Variants in STIM1 observed in about 807,000 individuals in gnomAD.
The protein encoded by STIM1 is stromal interaction molecule 1.
In STIM1, 25 loss-of-function variants were observed where a neutral mutation model predicts 74.7. The ratio of observed to expected loss-of-function variants is 0.33; its 90% CI spans 0.24 to 0.47. The LOEUF is 0.47. STIM1 is among the 20% of genes least tolerant of loss of function. The probability of loss-of-function intolerance (pLI) is 1.00; values close to 1 mark genes in which losing one functional copy is unlikely to be tolerated. For synonymous variants in STIM1, 328 were observed against 348.8 expected, an observed-to-expected ratio of 0.94 and a Z score of 0.66; for missense variants, 728 against 920.8, an observed-to-expected ratio of 0.79 and a Z score of 2.71.
chr11:4,057,338 G>A (rs897701987), intron 4 of STIM1, among the ~76,000 whole-genome samples: 1 of 152,170 alleles, frequency 6.6e-6, no homozygotes, highest in Non-Finnish European at 1.5e-5. Flanking sequence ...GCCAAGACCA[G>A]GTCCAGCCAG....
intron 2 of STIM1, among the ~76,000 whole-genome samples, chr11:3,983,524 C>T (rs977658193): frequency 6.6e-6 from 1 of 152,128 alleles, no homozygotes; most frequent in East Asian, 1.9e-4. Flanking sequence ...GTGGGACAAC[C>T]CTGGTGGCAA....
At chr11:3,940,769 T>C (rs2092995363) in intron 1 of STIM1, among the ~76,000 whole-genome samples, 1 of 152,084 alleles carries the variant, frequency 6.6e-6, no homozygotes, top group African/African-American at 2.4e-5. Flanking sequence ...AGAATGTCAA[T>C]CTAGGGGGAG....
chr11:3,949,939 C>T (rs978176538), intron 1 of STIM1, among the ~76,000 whole-genome samples: 5 of 152,152 alleles, frequency 3.3e-5, no homozygotes, highest in Non-Finnish European at 7.3e-5. Context: ...TAACCACTCC[C>T]GTCTCCTTTC....
intron 1 of STIM1, among the ~76,000 whole-genome samples, chr11:3,886,432 T>A (rs1426808111): frequency 5.3e-5 from 8 of 152,202 alleles, no homozygotes; most frequent in Admixed American, 5.2e-4. Context: ...CTCACGCCTG[T>A]CATCCCAGCA....
chr11:4,080,900 T>C (rs565993474), intron 7 of STIM1, among the ~76,000 whole-genome samples: 59 of 152,350 alleles, frequency 3.9e-4, no homozygotes, highest in African/African-American at 1.3e-3. Flanking sequence ...AAACTGCTTT[T>C]AATATAGAAC....
At chr11:3,934,747 G>A (rs563962245) in intron 1 of STIM1, among the ~76,000 whole-genome samples, 1 of 152,202 alleles carries the variant, frequency 6.6e-6, no homozygotes, top group Non-Finnish European at 1.5e-5. Context: ...ACTGTTTTGT[G>A]TATCTCCCAG....
intron 1 of STIM1, among the ~76,000 whole-genome samples, chr11:3,869,300 G>T (rs1244563253): frequency 1.3e-5 from 2 of 152,152 alleles, no homozygotes; most frequent in Non-Finnish European, 2.9e-5. Context: ...ACTGGGCTAG[G>T]TACTTTCACA....
chr11:3,943,907 A>G (rs1033335878), intron 1 of STIM1, among the ~76,000 whole-genome samples: 3 of 152,268 alleles, frequency 2.0e-5, no homozygotes, highest in Admixed American at 2.0e-4. Context: ...CACATAAGTG[A>G]CAGAAGCAAA....
intron 1 of STIM1, among the ~76,000 whole-genome samples, chr11:3,899,063 G>C (rs937161380): frequency 6.6e-6 from 1 of 152,166 alleles, no homozygotes; most frequent in Non-Finnish European, 1.5e-5. Context: ...AAAGTCATTG[G>C]TAGTTTGATG....
At chr11:3,938,032 C>G (rs1262319768) in intron 1 of STIM1, among the ~76,000 whole-genome samples, 2 of 151,516 alleles carry the variant, frequency 1.3e-5, no homozygotes, top group African/African-American at 4.9e-5. Context: ...CTCCTGGGTT[C>G]AAGCGATTCT....
At chr11:3,973,928 C>A (rs2093420648) in intron 2 of STIM1, 3 of 505,728 alleles carry the variant, frequency 5.9e-6, no homozygotes, top group East Asian at 6.5e-5. Flanking sequence ...TTTAAAGCCC[C>A]CAACAAATAT....
chr11:4,091,890 G>C lies in STIM1; in HGVS notation c.*92G>C, dbSNP rs1443342663. On this transcript the variant is annotated 3_prime_UTR_variant, in exon 13 of 13. Coordinates refer to ENST00000526596, the MANE Select transcript of STIM1 (RefSeq NM_001382567.1). The stretch of plus-strand genomic sequence containing the variant: ...CTTCCTTCAAGATAACTGGCCCCAA[G>C]AGTGGGGCATGGGAAGGGCTGGTCC... 4 of 1,545,660 alleles carry C rather than the reference G, an allele frequency of 2.6e-6. No homozygotes were observed. The highest frequency in any genetic ancestry group is 1.8e-5 in the Admixed American group (1 of 55,798).
intron 3 of STIM1, among the ~76,000 whole-genome samples, chr11:4,038,993 AT>A (rs1470571065): frequency 1.3e-5 from 2 of 152,220 alleles, no homozygotes; most frequent in Non-Finnish European, 2.9e-5. Flanking sequence ...TAATCATGTT[AT>A]TTTGAAAGAA....
At chr11:3,932,614 A>G (rs2092880552) in intron 1 of STIM1, among the ~76,000 whole-genome samples, 1 of 149,024 alleles carries the variant, frequency 6.7e-6, no homozygotes, top group African/African-American at 2.5e-5. Context: ...GTAAGCCGAG[A>G]TCGCTCCACT....
chr11:4,004,272 C>T (rs1268257331), intron 2 of STIM1, among the ~76,000 whole-genome samples: 13 of 152,208 alleles, frequency 8.5e-5, no homozygotes, highest in South Asian at 4.1e-4. Context: ...GAGCCCACAT[C>T]GCCAAGTCAA....
intron 2 of STIM1, among the ~76,000 whole-genome samples, chr11:3,971,047 G>A (rs577504039): frequency 1.3e-5 from 2 of 152,278 alleles, no homozygotes; most frequent in East Asian, 3.9e-4. Flanking sequence ...TCAAAGGTGT[G>A]CACAGTGAGA....
At chr11:4,086,615 C>G in intron 12 of STIM1, 72 bp downstream of exon 12, 1 of 1,598,006 alleles carries the variant, frequency 6.3e-7, no homozygotes, top group Non-Finnish European at 8.5e-7. Context: ...AGCCTTTCAT[C>G]TGGACAGTCT....
chr11:3,873,244 C>T (rs1356691197), intron 1 of STIM1, among the ~76,000 whole-genome samples: 5 of 151,800 alleles, frequency 3.3e-5, no homozygotes, highest in South Asian at 2.1e-4. Flanking sequence ...GGAGAAACCC[C>T]GTCTTTACTA....
intron 2 of STIM1, among the ~76,000 whole-genome samples, chr11:3,978,664 G>A (rs2093473129): frequency 6.6e-6 from 1 of 152,020 alleles, no homozygotes; most frequent in Non-Finnish European, 1.5e-5. Context: ...GGGAGGCTGA[G>A]GCATGAGAAT....
Sources: gnomAD v4.1 joint callset for allele counts (sites outside exome capture counted in the v4.1 genomes callset) on GRCh38, gnomAD v4.1.1 for gene constraint, MANE v1.5 for transcripts, NCBI Gene and HGNC (gene_info 2026-07-23, HGNC 2026-07-21) for gene names.